Variants in IGDCC4 observed in about 807,000 individuals in gnomAD.
The protein encoded by IGDCC4 is likely ortholog of mouse neighbor of Punc E11.
In IGDCC4, 72 loss-of-function variants were observed where a neutral mutation model predicts 116.6. The observed-to-expected ratio is 0.62, with a 90% CI of 0.51 to 0.75. The LOEUF is 0.75. IGDCC4 is among the 30% of genes least tolerant of loss of function. The probability of loss-of-function intolerance (pLI) is 0.00; values close to 1 mark genes in which losing one functional copy is unlikely to be tolerated. For synonymous variants in IGDCC4, 709 were observed against 719.9 expected, an observed-to-expected ratio of 0.98 and a Z score of 0.24; for missense variants, 1,501 against 1,662.4, an observed-to-expected ratio of 0.90 and a Z score of 1.69.
rs2091503611 is a variant in IGDCC4 at position 65,390,404 on chromosome 15, G to T, written c.2225-66C>A. 5 of 1,344,028 alleles carry T rather than the reference G, an allele frequency of 3.7e-6. No individual in the cohort carries two copies. In the African/African-American group the frequency reaches 4.3e-5, roughly 12 times the overall value. The allele number at this position is 1,344,028 out of a possible 1,614,324, so 83.3% of individuals were successfully genotyped here. Reference sequence around the variant, plus strand: ...TACTCATCCTTAAATATGTATAGTGGTTTACAGTTCCCAAGGCTGTTTCTT... The same window carrying T: ...TACTCATCCTTAAATATGTATAGTGTTTTACAGTTCCCAAGGCTGTTTCTT... On this transcript the variant is annotated intron_variant, in intron 12 of 19. Transcript: ENST00000352385.
chr15:65,404,391 T>G (rs540691450), intron 3 of IGDCC4, among the ~76,000 whole-genome samples: 27 of 152,262 alleles, frequency 1.8e-4, no homozygotes, highest in Non-Finnish European at 2.9e-4. Flanking sequence ...CCCAGTCTGC[T>G]GCCAGAGAAG....
chr15:65,388,714 A>G (rs1443411218), intron 15 of IGDCC4, 94 bp downstream of exon 15: 1 of 1,594,090 alleles, frequency 6.3e-7, no homozygotes, highest in East Asian at 2.2e-5. Context: ...TTCTCCCAGT[A>G]GCCCCTGGAA....
In IGDCC4 at chr15:65,394,448, C is replaced by T; in HGVS notation, c.1677G>A (p.Val559=). 6.2e-7 allele frequency: 1 copy of T among 1,614,112 alleles called. No individual in the cohort carries two copies. Among genetic ancestry groups the T allele is most frequent in the Non-Finnish European group, 8.5e-7 (1 of 1,180,010 alleles). The part of the protein sequence containing the change: ...PLPPSLSNGQ[V]VKYKIEYGLG... The stretch of plus-strand genomic sequence containing the variant: ...AACCGTATTCTATCTTGTACTTCAC[C>T]ACCTGCCCATTGCTCAGGCTGGGGG... Residue 559 remains valine (V), a synonymous_variant, in exon 9 of 20, where the codon GTG becomes GTA. Transcript: ENST00000352385.
chr15:65,385,084 C>T lies in IGDCC4; in HGVS notation c.3212G>A (p.Trp1071Ter). Reference protein sequence around the residue: ...ISWAQPSGLSWAGSWAGCELP... With the variant: ...ISWAQPSGLS The stretch of plus-strand genomic sequence containing the variant: ...CTCACAGCCTGCCCAGGAACCAGCC[C>T]AGCTCAGCCCGCTTGGTTGAGCCCA... The change falls in exon 19 of 20, where the codon TGG becomes TAG. Residue 1071 changes from tryptophan (W) to a stop codon, truncating the protein, a stop_gained. Transcript: ENST00000352385. LOFTEE classifies it high-confidence loss of function. 6.2e-7 allele frequency: 1 copy of T among 1,602,622 alleles called. No individual in the cohort carries two copies. Among genetic ancestry groups the T allele is most frequent in the South Asian group, 1.1e-5 (1 of 90,666 alleles).
At chr15:65,415,486 G>A (rs1255243135) in intron 1 of IGDCC4, among the ~76,000 whole-genome samples, 1 of 152,232 alleles carries the variant, frequency 6.6e-6, no homozygotes, top group Non-Finnish European at 1.5e-5. Context: ...CAGCAAGGCA[G>A]GAACAGGGAA....
chr15:65,416,916 G>A (rs2063150400), intron 1 of IGDCC4, among the ~76,000 whole-genome samples: 1 of 152,148 alleles, frequency 6.6e-6, no homozygotes, highest in African/African-American at 2.4e-5. Flanking sequence ...GAGCTCCAGG[G>A]CCAGCTCAAT....
At chr15:65,412,511 CAA>C (rs3082805) in intron 1 of IGDCC4, among the ~76,000 whole-genome samples, 2 of 16,716 alleles carry the variant, frequency 1.2e-4, no homozygotes, top group African/African-American at 1.8e-4. Context: ...GATTCCATCT[CAA>C]AAAAAAAAAA....
chr15:65,389,772 C>T (rs1194717443), intron 13 of IGDCC4, among the ~76,000 whole-genome samples: 1 of 152,230 alleles, frequency 6.6e-6, no homozygotes, highest in Non-Finnish European at 1.5e-5. Flanking sequence ...CGCCAAACCT[C>T]AGGCTCCTCA....
Position 65,393,548 on chromosome 15 carries a change from G to C in IGDCC4, c.1715-17C>G, listed in dbSNP as rs1422173596. On this transcript the variant is annotated splice_polypyrimidine_tract_variant and intron_variant, in intron 9 of 19. Coordinates refer to ENST00000352385, the MANE Select transcript of IGDCC4 (RefSeq NM_020962.3). This position sits in a 1 kb window ranked among gnomAD's most constrained non-coding sequence, Gnocchi z 4.6. ...AAATCTGATCTGCAGGGACAGAAAA[G>C]GTGGGCTGCTGGGTAGCCACCTGAG... The C allele has an allele frequency of 6.3e-7, 1 of 1,575,788 alleles. No individual in the cohort carries two copies. Among genetic ancestry groups the C allele is most frequent in the Non-Finnish European group, 8.7e-7 (1 of 1,155,882 alleles).
At chr15:65,414,073 CTCA>C (rs1322553090) in intron 1 of IGDCC4, among the ~76,000 whole-genome samples, 2 of 152,216 alleles carry the variant, frequency 1.3e-5, no homozygotes, top group Admixed American at 6.5e-5. Flanking sequence ...CTCTGCCACA[CTCA>C]TCAACACTTG....
chr15:65,410,626 C>A, intron 2 of IGDCC4: 1 of 489,356 alleles, frequency 2.0e-6, no homozygotes, highest in Non-Finnish European at 3.7e-6. Flanking sequence ...CTGAGAGCCC[C>A]CTAAGGGGTA....
intron 3 of IGDCC4, among the ~76,000 whole-genome samples, chr15:65,402,782 G>T (rs903081530): frequency 6.6e-6 from 1 of 152,178 alleles, no homozygotes. Flanking sequence ...CAGGAGAATC[G>T]CTTGAACCCG....
At chr15:65,403,224 T>G (rs773010981) in intron 3 of IGDCC4, among the ~76,000 whole-genome samples, 7 of 152,210 alleles carry the variant, frequency 4.6e-5, no homozygotes, top group Non-Finnish European at 1.0e-4. Context: ...GTTAGGCAGC[T>G]GCTAAAAAGG....
chr15:65,399,486 G>A (rs1247580462), intron 5 of IGDCC4, among the ~76,000 whole-genome samples: 5 of 145,416 alleles, frequency 3.4e-5, no homozygotes, highest in Non-Finnish European at 7.5e-5. Flanking sequence ...CCTGGAACAC[G>A]ACTCTCCGGG....
Position 65,385,987 on chromosome 15 carries a change from G to A in IGDCC4, c.3024C>T (p.Gly1008=), listed in dbSNP as rs1240716179. 3 of 1,580,418 alleles carry A rather than the reference G, an allele frequency of 1.9e-6. No homozygotes were observed. Among genetic ancestry groups the A allele is most frequent in the South Asian group, 1.1e-5 (1 of 87,804 alleles). Residue 1008 remains glycine (G), a synonymous_variant, in exon 18 of 20, where the codon GGC becomes GGT. Coordinates refer to ENST00000352385, the MANE Select transcript of IGDCC4 (RefSeq NM_020962.3). ...NPALYSRARL[G]PPSPPAAHEL... Reference sequence around the variant, plus strand: ...CATGGGCAGCTGGGGGGCTGGGGGGGCCAAGCCGAGCTCTGGAGTACAGCG... The same window carrying A: ...CATGGGCAGCTGGGGGGCTGGGGGGACCAAGCCGAGCTCTGGAGTACAGCG...
In IGDCC4 at chr15:65,388,571, G is replaced by A. The variant is rs774459548; in HGVS notation, c.2723C>T (p.Ala908Val). ...LLTTQGNIFS[A>V]EVHGLESDTR... ...GTCGCTCTCCAGGCCATGGACCTCAGCACTGAAGATGTTTCCTGGGGGTGA... is the reference window on the plus strand; with the variant it reads ...GTCGCTCTCCAGGCCATGGACCTCAACACTGAAGATGTTTCCTGGGGGTGA... Residue 908 changes from alanine (A) to valine (V), a missense_variant, in exon 16 of 20, where the codon GCT becomes GTT. Physicochemically the swap from Ala to Val is moderately conservative, Grantham distance 64. Transcript: ENST00000352385. 16 of 1,614,024 alleles carry A rather than the reference G, an allele frequency of 9.9e-6. No homozygotes were observed. The highest frequency in any genetic ancestry group is 1.4e-5 in the Non-Finnish European group (16 of 1,180,052).
chr15:65,401,137 C>A (rs1398994245), intron 4 of IGDCC4, among the ~76,000 whole-genome samples, 191 bp from the exon 5 acceptor site: 1 of 152,150 alleles, frequency 6.6e-6, no homozygotes, highest in Non-Finnish European at 1.5e-5. Flanking sequence ...TCTTTTAGAG[C>A]CAGAAGAATT....
intron 1 of IGDCC4, among the ~76,000 whole-genome samples, chr15:65,413,331 G>A (rs2063115572): frequency 6.6e-6 from 1 of 152,074 alleles, no homozygotes; most frequent in Non-Finnish European, 1.5e-5. Context: ...ACTCCCTGCA[G>A]CTAATTTCCC....
At position 65,395,735 on chromosome 15, in the gene IGDCC4, C is replaced by T. The variant is rs2062917043; in HGVS notation, c.1411+15G>A. 5 of 1,430,186 alleles carry T rather than the reference C, an allele frequency of 3.5e-6. No individual in the cohort carries two copies. Among genetic ancestry groups the T allele is most frequent in the Non-Finnish European group, 4.6e-6 (5 of 1,086,442 alleles). 88.6% of individuals were successfully genotyped at this position (1,430,186 alleles called of 1,614,324 possible). A position where few individuals can be genotyped will look rare whatever the true frequency, so the allele number is the denominator to read the frequency against. ...CCGGGCCTGCGCTGGTGCATCCCGC[C>T]CCAGGCCGACGTACCCCGTGCCTTC... On this transcript the variant is annotated intron_variant, in intron 7 of 19. Transcript: ENST00000352385.
Sources: allele counts gnomAD v4.1 joint callset (sites outside exome capture counted in the v4.1 genomes callset), GRCh38; gene constraint gnomAD v4.1.1; non-coding constraint Gnocchi (gnomAD v3.1); transcripts MANE v1.5; gene names NCBI Gene and HGNC (gene_info 2026-07-23, HGNC 2026-07-21).